STMN2: variants seen among roughly 807,000 people sequenced by gnomAD.
STMN2 encodes the protein stathmin 2, also known as stathmin-2.
A neutral mutation model predicts 24.1 loss-of-function variants in STMN2; 2 were observed. That is an observed-to-expected ratio of 0.08 (90% CI 0.03 to 0.26). The LOEUF (loss-of-function observed/expected upper bound fraction) is 0.26, where lower values mean the gene tolerates loss of function less well. Ranked by LOEUF, STMN2 falls within the 10% of genes least tolerant of loss-of-function variation. The probability of loss-of-function intolerance (pLI) is 1.00; values close to 1 mark genes in which losing one functional copy is unlikely to be tolerated. For synonymous variants in STMN2, 83 were observed against 77.5 expected, an observed-to-expected ratio of 1.07 and a Z score of -0.37; for missense variants, 114 against 213.6, an observed-to-expected ratio of 0.53 and a Z score of 2.91.
intron 3 of STMN2, among the ~76,000 whole-genome samples, chr8:79,648,487 C>T (rs1483649403): frequency 1.7e-5 from 2 of 121,038 alleles, no homozygotes; most frequent in East Asian, 2.5e-4. Context: ...GACGGAGTCT[C>T]GCTCTGCCAC....
intron 1 of STMN2, among the ~76,000 whole-genome samples, chr8:79,623,703 T>A (rs888213666): frequency 1.3e-5 from 2 of 152,128 alleles, no homozygotes; most frequent in African/African-American, 4.8e-5. Flanking sequence ...AACAAGGAGC[T>A]TTATATGAAA....
At chr8:79,625,738 A>G (rs774195665) in intron 1 of STMN2, among the ~76,000 whole-genome samples, 8 of 152,108 alleles carry the variant, frequency 5.3e-5, no homozygotes, top group Non-Finnish European at 1.0e-4. Context: ...TGGGTGGATC[A>G]CCTGAGTTCA....
chr8:79,612,377 G>A (rs969686429), intron 1 of STMN2, among the ~76,000 whole-genome samples: 2 of 152,168 alleles, frequency 1.3e-5, no homozygotes, highest in Admixed American at 1.3e-4. Context: ...GATCGTTTGC[G>A]GGAAAAGCTT....
Position 79,633,821 on chromosome 8 carries a change from T to A in STMN2, c.20-2981T>A, listed in dbSNP as rs114030719. Among the ~76,000 whole-genome samples the A allele has an allele frequency of 4.3e-3, 652 of 152,360 alleles. 5 individuals carry two copies. The highest frequency in any genetic ancestry group is 0.015 in the African/African-American group (630 of 41,582). On this transcript the variant is annotated intron_variant, in intron 1 of 4. Transcript: ENST00000220876. ...CCATAATAGTAATGATTACTCATTA[T>A]ACATAGGGCTCTAAATGTGCTAGCT...
intron 2 of STMN2, 94 bp downstream of exon 2, chr8:79,636,991 C>A: frequency 2.6e-6 from 3 of 1,162,790 alleles, no homozygotes; most frequent in Middle Eastern, 2.0e-4. Context: ...ATAATTACAT[C>A]AATATTTTGT....
rs558510853 is a variant in STMN2, at chr8:79,612,334, T to C, written c.19+1120T>C. On this transcript the variant is annotated intron_variant, in intron 1 of 4. Transcript: ENST00000220876. ...GCAAATTACATAGAGTGTTTAGACA[T>C]AGACACAGATAAAGGGTTCTTTGAA... Among the ~76,000 whole-genome samples, 6 of 152,314 alleles carry C rather than the reference T, an allele frequency of 3.9e-5. No homozygotes were observed. The East Asian group carries it at 9.6e-4, about 24-fold the overall frequency.
chr8:79,617,711 C>T (rs1013372586), intron 1 of STMN2, among the ~76,000 whole-genome samples: 26 of 152,196 alleles, frequency 1.7e-4, no homozygotes, highest in Non-Finnish European at 1.3e-4. Context: ...TTGAGGGCCT[C>T]GAGCCAATAA....
In STMN2 at chr8:79,637,247, A is replaced by G. The variant is rs527885711; in HGVS notation, c.115+350A>G. ...CATAATTTGTAAGAAAATGCTTTAT[A>G]CTTAGAAAACTCAAGAGAAAGAATC... On this transcript the variant is annotated intron_variant, in intron 2 of 4. Coordinates refer to ENST00000220876, the MANE Select transcript of STMN2 (RefSeq NM_007029.4). Among the ~76,000 whole-genome samples the G allele has an allele frequency of 5.9e-5, 9 of 152,320 alleles. No individual in the cohort carries two copies. In the East Asian group the frequency reaches 1.7e-3, roughly 29 times the overall value.
chr8:79,654,957 C>T lies in STMN2; in HGVS notation c.375C>T (p.Asn125=). The T allele has an allele frequency of 6.2e-7, 1 of 1,613,984 alleles. No homozygotes were observed. ...TTCAGAAGGCTTTGGAGGAGAACAA[C>T]AACTTCAGCAAGATGGCGGAGGAAA... is the stretch of plus-strand genomic sequence containing the variant. ...EVLQKALEEN[N]NFSKMAEEKL... The change falls in exon 4 of 5, where the codon AAC becomes AAT. Residue 125 remains asparagine, a synonymous_variant. Coordinates refer to ENST00000220876, the MANE Select transcript of STMN2 (RefSeq NM_007029.4).
intron 1 of STMN2, among the ~76,000 whole-genome samples, chr8:79,622,818 T>G (rs1024634826): frequency 1.3e-5 from 2 of 152,134 alleles, no homozygotes; most frequent in African/African-American, 4.8e-5. Context: ...GTCTTTTGAA[T>G]GCAGGAAAAA....
At chr8:79,645,829 C>T (rs1488327234) in intron 3 of STMN2, among the ~76,000 whole-genome samples, 2 of 152,028 alleles carry the variant, frequency 1.3e-5, no homozygotes, top group African/African-American at 4.8e-5. Flanking sequence ...ACAGGTTTTC[C>T]TTTGTGGCAC....
chr8:79,643,168 T>TATATAA (rs890175290), intron 3 of STMN2, among the ~76,000 whole-genome samples: 8 of 145,288 alleles, frequency 5.5e-5, no homozygotes, highest in African/African-American at 1.2e-4. Context: ...TATATATATA[T>TATATAA]AAAATACTAG....
At chr8:79,659,992 C>A (rs1315250212) in intron 4 of STMN2, among the ~76,000 whole-genome samples, 1 of 152,158 alleles carries the variant, frequency 6.6e-6, no homozygotes, top group East Asian at 1.9e-4. Context: ...CACAATTTTC[C>A]ATTAATGTAG....
At chr8:79,613,531 C>T (rs185225644) in intron 1 of STMN2, 21,203 of 985,500 alleles carry the variant, frequency 0.022, 246 homozygotes, top group Non-Finnish European at 0.023. Flanking sequence ...TCTCGCCTCG[C>T]TTTCTGCACC....
At chr8:79,664,565 T>C (rs559295457) in intron 4 of STMN2, among the ~76,000 whole-genome samples, 22 of 152,332 alleles carry the variant, frequency 1.4e-4, no homozygotes, top group Admixed American at 5.2e-4. Flanking sequence ...TATTCAAAAC[T>C]ATCTTAATAA....
At chr8:79,648,097 G>A (rs944363944) in intron 3 of STMN2, among the ~76,000 whole-genome samples, 5 of 152,304 alleles carry the variant, frequency 3.3e-5, no homozygotes, top group African/African-American at 1.2e-4. Flanking sequence ...GTGTTTAAGG[G>A]CATCTTTAAA....
chr8:79,656,624 G>A (rs1366709141), intron 4 of STMN2, among the ~76,000 whole-genome samples: 2 of 152,110 alleles, frequency 1.3e-5, no homozygotes, highest in African/African-American at 2.4e-5. Flanking sequence ...GGATGTTCCC[G>A]CTTGACCAGT....
At position 79,664,894 on chromosome 8, in the gene STMN2, C is replaced by A; in HGVS notation, c.*20C>A. On this transcript the variant is annotated 3_prime_UTR_variant, in exon 5 of 5. Coordinates refer to ENST00000220876, the MANE Select transcript of STMN2 (RefSeq NM_007029.4). Reference sequence around the variant, plus strand: ...GGCTGAAGCAAGGGAGGGTCTGGCACGCCCCACCAATAGTAAATCCCCCTG... The same window carrying A: ...GGCTGAAGCAAGGGAGGGTCTGGCAAGCCCCACCAATAGTAAATCCCCCTG... 1 of 1,610,484 alleles carries A rather than the reference C, an allele frequency of 6.2e-7. No homozygotes were observed. The highest frequency in any genetic ancestry group is 1.7e-5 in the Admixed American group (1 of 59,708).
At chr8:79,631,048 A>C (rs1809790909) in intron 1 of STMN2, among the ~76,000 whole-genome samples, 1 of 152,206 alleles carries the variant, frequency 6.6e-6, no homozygotes, top group Admixed American at 6.5e-5. Flanking sequence ...CAGGGGAAAG[A>C]AAAAAAGGAC....
Sources: allele counts gnomAD v4.1 joint callset (sites outside exome capture counted in the v4.1 genomes callset), GRCh38; gene constraint gnomAD v4.1.1; transcripts MANE v1.5; gene names NCBI Gene and HGNC (gene_info 2026-07-23, HGNC 2026-07-21).